Variants in HERC2 observed in about 807,000 individuals in gnomAD.
HERC2 encodes E3 ubiquitin-protein ligase HERC2.
A neutral mutation model predicts 537.7 loss-of-function variants in HERC2; 102 were observed. The ratio of observed to expected loss-of-function variants is 0.19; its 90% CI spans 0.16 to 0.22. The LOEUF is 0.22. HERC2 is among the 10% of genes least tolerant of loss of function. HERC2 has a pLI of 1.00. For missense variants in HERC2, 4,236 were observed against 6,198.2 expected, an observed-to-expected ratio of 0.68 and a Z score of 10.63; for synonymous variants, 2,224 against 2,466.2, an observed-to-expected ratio of 0.90 and a Z score of 2.91.
chr15:28,191,376 T>C (rs1430153165), intron 53 of HERC2, 132 bp from the exon 54 acceptor site: 1 of 635,632 alleles, frequency 1.6e-6, no homozygotes, highest in Non-Finnish European at 2.7e-6. Flanking sequence ...AGAGAGAATT[T>C]TCCCTCAACC....
At chr15:28,306,974 A>T (rs538706698) in intron 2 of HERC2, among the ~76,000 whole-genome samples, 419 of 152,242 alleles carry the variant, frequency 2.8e-3, no homozygotes, top group African/African-American at 9.9e-3. Flanking sequence ...GGCTGGAATT[A>T]CAGGCACACA....
At chr15:28,196,754 CA>C (rs1160207656) in intron 50 of HERC2, among the ~76,000 whole-genome samples, 185 bp from the exon 51 acceptor site, 2 of 152,142 alleles carry the variant, frequency 1.3e-5, no homozygotes, top group African/African-American at 4.8e-5. Context: ...CGCCTGGTTT[CA>C]AAATAATCAC....
At position 28,246,894 on chromosome 15, in the gene HERC2, G is replaced by A; in HGVS notation, c.3239C>T (p.Pro1080Leu). 1.9e-6 allele frequency: 3 copies of A among 1,595,236 alleles called. No homozygotes were observed. The highest frequency in any genetic ancestry group is 2.6e-6 in the Non-Finnish European group (3 of 1,174,948). The change falls in exon 22 of 93, where the codon CCA becomes CTA. Residue 1080 changes from proline (P) to leucine (L), a missense_variant. This residue lies in a region of HERC2 where 754 missense variants were observed against 1,085.0 expected (regional missense o/e 0.69). Coordinates refer to ENST00000261609, the MANE Select transcript of HERC2 (RefSeq NM_004667.6). ...SIGQTSDISS[P>L]ELMGVGSLLK... Reference sequence around the variant, plus strand: ...CAAGGAACCAACACCCATTAGCTCTGGACCTTGAAGAAGGATTGAGAAATT... The same window carrying A: ...CAAGGAACCAACACCCATTAGCTCTAGACCTTGAAGAAGGATTGAGAAATT...
chr15:28,248,485 C>A (rs893368074), intron 21 of HERC2, 67 bp downstream of exon 21: 19 of 1,219,200 alleles, frequency 1.6e-5, no homozygotes, highest in Non-Finnish European at 2.2e-5. Context: ...AGGATGGACA[C>A]GTCGAAAAGC....
chr15:28,279,615 C>CCACACACACACACACACACACACACACA (rs58447102), intron 5 of HERC2, among the ~76,000 whole-genome samples: 53 of 141,674 alleles, frequency 3.7e-4, no homozygotes, highest in African/African-American at 1.3e-3. Context: ...GACCCCATCT[C>CCACACACACACACACACACACACACACA]CACACACACA....
chr15:28,218,727 T>A (rs763025087), intron 37 of HERC2, 56 bp from the exon 38 acceptor site: 190 of 1,385,112 alleles, frequency 1.4e-4, no homozygotes, highest in Non-Finnish European at 1.9e-4. Context: ...TGGAAGATAG[T>A]CCTGCATATA....
At chr15:28,131,335 T>C (rs1423179781) in intron 81 of HERC2, among the ~76,000 whole-genome samples, 2 of 151,836 alleles carry the variant, frequency 1.3e-5, no homozygotes, top group Non-Finnish European at 1.5e-5. Flanking sequence ...CTGATGAGGG[T>C]CTGCTCCAGA....
At chr15:28,286,294 A>G (rs189971709) in intron 4 of HERC2, among the ~76,000 whole-genome samples, 29 of 152,306 alleles carry the variant, frequency 1.9e-4, no homozygotes, top group Non-Finnish European at 3.7e-4. Flanking sequence ...TAAGAAGCTA[A>G]TATTAGGTAC....
In HERC2 at chr15:28,145,158, G is replaced by A. The variant is rs141966348; in HGVS notation, c.11009-354C>T. The stretch of plus-strand genomic sequence containing the variant: ...CAGCACACACCAGGCCAGGGGCCAT[G>A]GGGACATTTCCCGGGAAAGCTCTGA... On this transcript the variant is annotated intron_variant, in intron 71 of 92. Transcript: ENST00000261609. Among the ~76,000 whole-genome samples, 906 of 152,322 alleles carry A rather than the reference G, an allele frequency of 5.9e-3. 4 individuals are homozygous for A. The highest frequency in any genetic ancestry group is 0.011 in the Non-Finnish European group (716 of 68,020).
intron 2 of HERC2, among the ~76,000 whole-genome samples, chr15:28,314,716 C>T (rs927183254): frequency 2.4e-4 from 36 of 151,562 alleles, no homozygotes; most frequent in Middle Eastern, 3.4e-3. Flanking sequence ...AAAAAATTAG[C>T]CAGGAATGAT....
intron 44 of HERC2, among the ~76,000 whole-genome samples, chr15:28,209,494 C>T (rs191024223): frequency 1.9e-3 from 291 of 152,220 alleles, no homozygotes; most frequent in African/African-American, 5.7e-3. Flanking sequence ...CAGGCACCTG[C>T]CACCACGCCC....
chr15:28,184,204 A>T (rs958586708), intron 56 of HERC2, among the ~76,000 whole-genome samples: 10 of 152,166 alleles, frequency 6.6e-5, no homozygotes, highest in South Asian at 6.2e-4. Flanking sequence ...ATATATATAT[A>T]TTTTCCATAC....
intron 80 of HERC2, 77 bp downstream of exon 80, chr15:28,132,576 G>T (rs532613235): frequency 7.6e-5 from 98 of 1,290,246 alleles, no homozygotes; most frequent in Non-Finnish European, 9.7e-5. Flanking sequence ...TCATAACAAC[G>T]GTGGCAAACC....
chr15:28,147,247 T>C (rs1891845421), intron 70 of HERC2, among the ~76,000 whole-genome samples: 2 of 152,046 alleles, frequency 1.3e-5, no homozygotes, highest in Non-Finnish European at 2.9e-5. Flanking sequence ...AGAAAAAGGG[T>C]CACAAGATTT....
intron 4 of HERC2, among the ~76,000 whole-genome samples, chr15:28,288,097 A>G (rs1266706904): frequency 6.6e-6 from 1 of 152,142 alleles, no homozygotes; most frequent in Non-Finnish European, 1.5e-5. Flanking sequence ...TAAAGCCAAA[A>G]TTGATACCCA....
At chr15:28,190,423 T>G (rs6497286) in intron 55 of HERC2, 19,989 of 152,350 alleles carry the variant, frequency 0.13, 4,403 homozygotes, top group African/African-American at 0.46. Flanking sequence ...GAGAGAGAGA[T>G]AATTGCTGAT....
intron 2 of HERC2, chr15:28,312,621 T>TA (rs1437534430): frequency 1.9e-5 from 3 of 157,652 alleles, no homozygotes; most frequent in African/African-American, 7.2e-5. Context: ...ACAGAGACCC[T>TA]ATTCATAAAA....
chr15:28,113,412 C>T lies in HERC2; in HGVS notation c.14020-129G>A. On this transcript the variant is annotated intron_variant, in intron 91 of 92. Transcript: ENST00000261609. The surrounding 1 kb of genome is among the most constrained non-coding windows in gnomAD (Gnocchi z 7.0). The stretch of plus-strand genomic sequence containing the variant: ...GAAAGGTCTGGGGGCTCTGGGTGGG[C>T]CCACACACAGCCTCCTGCAGGCGGG... The T allele has an allele frequency of 3.5e-6, 4 of 1,133,792 alleles. No homozygotes were observed. The highest frequency in any genetic ancestry group is 5.2e-6 in the Non-Finnish European group (4 of 775,468). The allele number at this position is 1,133,792 out of a possible 1,614,324, so 70.2% of individuals were successfully genotyped here. A position where few individuals can be genotyped will look rare whatever the true frequency, so the allele number is the denominator to read the frequency against.
At chr15:28,260,729 G>C (rs778047632) in intron 16 of HERC2, 48 bp downstream of exon 16, 1 of 1,557,958 alleles carries the variant, frequency 6.4e-7, no homozygotes, top group African/African-American at 1.4e-5. Context: ...ATGAACAACT[G>C]GAAACCAAAA....
Sources: gnomAD v4.1 joint callset for allele counts (sites outside exome capture counted in the v4.1 genomes callset) on GRCh38, gnomAD v4.1.1 for gene constraint, gnomAD v4.1.1 regional missense constraint, Gnocchi (gnomAD v3.1) non-coding constraint, MANE v1.5 for transcripts, NCBI Gene and HGNC (gene_info 2026-07-23, HGNC 2026-07-21) for gene names.